GABRA2: variants seen among roughly 807,000 people sequenced by gnomAD.
GABRA2 encodes gamma-aminobutyric acid type A receptor subunit alpha2.
GABRA2 carries 16 observed loss-of-function variants against 48.7 expected under a neutral mutation model. The observed-to-expected ratio is 0.33, with a 90% CI of 0.22 to 0.50. The LOEUF (loss-of-function observed/expected upper bound fraction) is 0.50. Among genes scored for constraint, GABRA2 ranks in the 20% least tolerant of loss-of-function variants. The pLI is 0.98. For synonymous variants in GABRA2, 185 were observed against 184.5 expected (o/e 1.00, Z -0.02); for missense variants, 275 against 535.6 (o/e 0.51, Z 4.80).
intron 3 of GABRA2, among the ~76,000 whole-genome samples, chr4:46,347,993 C>G (rs181702061): frequency 1.3e-5 from 2 of 151,948 alleles, no homozygotes. Flanking sequence ...AGGCAACCTA[C>G]GAAATGGGAG....
chr4:46,270,032 T>C (rs1390199257), intron 8 of GABRA2, among the ~76,000 whole-genome samples: 2 of 151,964 alleles, frequency 1.3e-5, no homozygotes, highest in African/African-American at 2.4e-5. Flanking sequence ...CAATAAAATG[T>C]AAGCCCAAAT....
chr4:46,355,427 G>A (rs1735804213), intron 3 of GABRA2, among the ~76,000 whole-genome samples: 1 of 152,016 alleles, frequency 6.6e-6, no homozygotes, highest in African/African-American at 2.4e-5. Context: ...CTCAGTAAAG[G>A]GATAATATAT....
At position 46,365,823 on chromosome 4, in the gene GABRA2, G is replaced by A. The variant is rs182032557; in HGVS notation, c.187+20251C>T. 8 of 152,072 alleles carry A rather than the reference G, an allele frequency of 5.3e-5. No individual in the cohort carries two copies. The East Asian group carries it at 1.5e-3, about 29-fold the overall frequency. 9.4% of individuals were successfully genotyped at this position (152,072 alleles called of 1,614,324 possible). The stretch of plus-strand genomic sequence containing the variant: ...TCATAAGATGTACATGGGTCAAATG[G>A]GAACAAAGGGAAATGAAGCAGTTGT... On this transcript the variant is annotated intron_variant, in intron 3 of 9. Coordinates refer to ENST00000381620, the MANE Select transcript of GABRA2 (RefSeq NM_000807.4).
intron 8 of GABRA2, among the ~76,000 whole-genome samples, chr4:46,265,503 T>TTGTATATATATTATATATATATAC (rs1338715111): frequency 1.4e-5 from 2 of 139,894 alleles, no homozygotes; most frequent in African/African-American, 5.7e-5. Context: ...TATATATATA[T>TTGTATATATATTATATATATATAC]GTTTTCTCTA....
intron 3 of GABRA2, among the ~76,000 whole-genome samples, chr4:46,381,283 G>C (rs1377158271): frequency 6.6e-6 from 1 of 152,108 alleles, no homozygotes; most frequent in Admixed American, 6.5e-5. Flanking sequence ...ATTTAACAAT[G>C]TGAAAGCCTC....
intron 8 of GABRA2, among the ~76,000 whole-genome samples, chr4:46,277,337 C>T (rs1720695099): frequency 6.6e-6 from 1 of 152,144 alleles, no homozygotes; most frequent in Admixed American, 6.5e-5. Context: ...ATCTGATTAT[C>T]AAGTGCTGCC....
At chr4:46,329,692 A>G (rs992345149) in intron 4 of GABRA2, among the ~76,000 whole-genome samples, 2 of 152,158 alleles carry the variant, frequency 1.3e-5, no homozygotes, top group Non-Finnish European at 2.9e-5. Flanking sequence ...AAAAGAATTT[A>G]GCTGTCTTTT....
chr4:46,383,539 A>G (rs1284274199), intron 3 of GABRA2, among the ~76,000 whole-genome samples: 2 of 152,206 alleles, frequency 1.3e-5, no homozygotes, highest in East Asian at 3.8e-4. Context: ...TTATTATACA[A>G]TATCTTGACT....
chr4:46,356,981 G>GTT (rs141407741), intron 3 of GABRA2, among the ~76,000 whole-genome samples: 2 of 146,260 alleles, frequency 1.4e-5, no homozygotes, highest in African/African-American at 5.0e-5. Flanking sequence ...TTCTGGGTTT[G>GTT]TTTTTTTTTT....
chr4:46,325,979 T>C (rs1436368231), intron 4 of GABRA2, among the ~76,000 whole-genome samples: 1 of 152,024 alleles, frequency 6.6e-6, no homozygotes. Flanking sequence ...TGCAGCCTTG[T>C]AGGGTAGTTT....
intron 8 of GABRA2, among the ~76,000 whole-genome samples, chr4:46,263,559 T>C (rs1196623718): frequency 2.0e-5 from 3 of 152,148 alleles, no homozygotes; most frequent in Non-Finnish European, 4.4e-5. Flanking sequence ...GGGATATCTC[T>C]GTACTCCAAA....
At chr4:46,318,428 T>C (rs1469319835) in intron 4 of GABRA2, among the ~76,000 whole-genome samples, 5 of 151,506 alleles carry the variant, frequency 3.3e-5, no homozygotes, top group African/African-American at 4.8e-5. Flanking sequence ...GACATTTCAA[T>C]AAAATAATAT....
intron 8 of GABRA2, among the ~76,000 whole-genome samples, chr4:46,291,774 C>CATATATATATATAT (rs1415105864): frequency 9.3e-6 from 1 of 107,872 alleles, no homozygotes; most frequent in Non-Finnish European, 2.1e-5. Flanking sequence ...AATAAACACA[C>CATATATATATATAT]ACATATATAT....
chr4:46,262,977 AGG>A (rs944635498), intron 8 of GABRA2, among the ~76,000 whole-genome samples: 7 of 138,972 alleles, frequency 5.0e-5, no homozygotes, highest in Admixed American at 7.1e-5. Flanking sequence ...AGAGAGAGAG[AGG>A]GAGGGAGGGA....
rs919205503 is a variant in GABRA2, at chr4:46,265,892, T to C, written c.857-3764A>G. Among the ~76,000 whole-genome samples the C allele has an allele frequency of 3.3e-5, 5 of 152,218 alleles. No homozygotes were observed. The East Asian group carries it at 9.7e-4, about 29-fold the overall frequency. ...TATTTTTTGTTTCCATTCATCTTAT[T>C]TTCTAAAACCTCTTGTGATCTCTTC... On this transcript the variant is annotated intron_variant, in intron 8 of 9. Transcript: ENST00000381620.
At chr4:46,356,063 C>A (rs951552626) in intron 3 of GABRA2, among the ~76,000 whole-genome samples, 1 of 152,122 alleles carries the variant, frequency 6.6e-6, no homozygotes, top group East Asian at 1.9e-4. Flanking sequence ...CAACACTATA[C>A]CCCCTGTTAA....
At chr4:46,297,738 ATTTCATTTACC>A (rs1725019207) in intron 8 of GABRA2, among the ~76,000 whole-genome samples, 1 of 151,476 alleles carries the variant, frequency 6.6e-6, no homozygotes, top group Non-Finnish European at 1.5e-5. Flanking sequence ...TTTATTCTAC[ATTTCATTTACC>A]TCTGCTCTAA....
intron 8 of GABRA2, among the ~76,000 whole-genome samples, chr4:46,281,724 A>G (rs966261532): frequency 6.6e-6 from 1 of 152,198 alleles, no homozygotes; most frequent in African/African-American, 2.4e-5. Flanking sequence ...AACTTTGAGG[A>G]CAGTAAAAAC....
intron 4 of GABRA2, among the ~76,000 whole-genome samples, chr4:46,330,587 TATATAG>T (rs1213762965): frequency 1.6e-5 from 2 of 123,520 alleles, no homozygotes; most frequent in African/African-American, 5.6e-5. Flanking sequence ...TATATATATA[TATATAG>T]AGAGAGAGAG....
Sources: allele counts gnomAD v4.1 joint callset (sites outside exome capture counted in the v4.1 genomes callset), GRCh38; gene constraint gnomAD v4.1.1; transcripts MANE v1.5; gene names NCBI Gene and HGNC (gene_info 2026-07-23, HGNC 2026-07-21).